PTPRD: variants seen among roughly 807,000 people sequenced by gnomAD.
PTPRD encodes the protein receptor-type tyrosine-protein phosphatase delta.
PTPRD carries 34 observed loss-of-function variants against 214.5 expected under a neutral mutation model. The ratio of observed to expected loss-of-function variants is 0.16; its 90% CI spans 0.12 to 0.21. The LOEUF (loss-of-function observed/expected upper bound fraction) is 0.21, where lower values mean the gene tolerates loss of function less well. PTPRD is among the 10% of genes least tolerant of loss of function. The pLI, the probability that PTPRD is intolerant of heterozygous loss-of-function variation, is 1.00. For missense variants in PTPRD, 2,545 were observed against 2,398.7 expected (o/e 1.06, Z -1.27); for synonymous variants, 1,128 against 845.7 (o/e 1.33, Z -5.79).
intron 8 of PTPRD, among the ~76,000 whole-genome samples, chr9:9,482,948 T>C (rs535082616): frequency 1.1e-4 from 16 of 152,308 alleles, no homozygotes; most frequent in Non-Finnish European, 1.9e-4. Context: ...GTTTCTTAAG[T>C]AAAGCCAGTA....
intron 21 of PTPRD, among the ~76,000 whole-genome samples, chr9:8,511,249 T>C (rs2137847132): frequency 1.3e-5 from 2 of 152,130 alleles, no homozygotes; most frequent in East Asian, 3.9e-4. Context: ...TTTAATGTTT[T>C]TTGTACAGAC....
intron 3 of PTPRD, among the ~76,000 whole-genome samples, chr9:10,155,477 A>T (rs2099087190): frequency 6.6e-6 from 1 of 152,102 alleles, no homozygotes; most frequent in African/African-American, 2.4e-5. Flanking sequence ...AGGACTTCCA[A>T]TAACATGTTG....
At chr9:8,900,298 AT>A (rs1345421877) in intron 11 of PTPRD, among the ~76,000 whole-genome samples, 1 of 152,232 alleles carries the variant, frequency 6.6e-6, no homozygotes, top group Non-Finnish European at 1.5e-5. Context: ...TACCATTAAA[AT>A]ATTTGTGCAC....
intron 7 of PTPRD, among the ~76,000 whole-genome samples, chr9:9,693,191 T>C (rs965351305): frequency 2.0e-5 from 3 of 152,092 alleles, no homozygotes; most frequent in African/African-American, 7.2e-5. Flanking sequence ...ATCCTTGTCT[T>C]GTTCCAGATC....
At chr9:9,643,057 A>G (rs908381515) in intron 7 of PTPRD, among the ~76,000 whole-genome samples, 1 of 152,232 alleles carries the variant, frequency 6.6e-6, no homozygotes, top group African/African-American at 2.4e-5. Flanking sequence ...CCATGAGCAC[A>G]TACATGTGTA....
chr9:10,567,606 T>C lies in PTPRD; in HGVS notation c.-600+44792A>G, dbSNP rs889628411. 1.1e-4 allele frequency among the ~76,000 whole-genome samples: 16 copies of C among 152,196 alleles called. No homozygotes were observed. In the East Asian group the frequency reaches 2.5e-3, roughly 24 times the overall value. Reference sequence around the variant, plus strand: ...CATGAGTTGGTCTCTAAAGTTATTTTAGAATCTGATAGTCAAATGGAATAA... The same window carrying C: ...CATGAGTTGGTCTCTAAAGTTATTTCAGAATCTGATAGTCAAATGGAATAA... On this transcript the variant is annotated intron_variant, in intron 2 of 45. Coordinates refer to ENST00000381196, the MANE Select transcript of PTPRD (RefSeq NM_002839.4).
intron 7 of PTPRD, among the ~76,000 whole-genome samples, chr9:9,649,264 G>T (rs1309284262): frequency 6.6e-6 from 1 of 152,070 alleles, no homozygotes; most frequent in African/African-American, 2.4e-5. Context: ...CCACTGTATT[G>T]CCAAAACTGC....
chr9:9,431,778 T>C (rs1258831927), intron 8 of PTPRD, among the ~76,000 whole-genome samples: 2 of 151,454 alleles, frequency 1.3e-5, no homozygotes, highest in South Asian at 4.2e-4. Flanking sequence ...CTGGAAACCA[T>C]CATTCTGAGC....
intron 2 of PTPRD, among the ~76,000 whole-genome samples, chr9:10,572,827 T>G (rs919803695): frequency 6.6e-6 from 1 of 152,172 alleles, no homozygotes; most frequent in African/African-American, 2.4e-5. Context: ...AGAACCAGAA[T>G]GAAACAGTGT....
At chr9:10,035,546 C>A (rs1336707266) in intron 3 of PTPRD, among the ~76,000 whole-genome samples, 2 of 151,972 alleles carry the variant, frequency 1.3e-5, no homozygotes, top group African/African-American at 2.4e-5. Flanking sequence ...GGTTATCTTC[C>A]AGGGTTTTTT....
At chr9:9,628,988 A>T (rs2095505326) in intron 7 of PTPRD, among the ~76,000 whole-genome samples, 1 of 151,812 alleles carries the variant, frequency 6.6e-6, no homozygotes. Context: ...CCTGACCAAC[A>T]TGGTGAAACC....
intron 11 of PTPRD, among the ~76,000 whole-genome samples, chr9:8,908,460 A>G (rs1037037918): frequency 6.6e-6 from 1 of 152,202 alleles, no homozygotes; most frequent in African/African-American, 2.4e-5. Flanking sequence ...ATACCCAAAT[A>G]TACAGAAATT....
intron 7 of PTPRD, among the ~76,000 whole-genome samples, chr9:9,728,536 G>A (rs1426301144): frequency 1.3e-5 from 2 of 152,064 alleles, no homozygotes; most frequent in Non-Finnish European, 2.9e-5. Flanking sequence ...AATAGCAGAG[G>A]GAGACTTCCA....
rs1213715440 is a variant in PTPRD, at chr9:8,930,108, AC to A, written c.-104+88588del. Among the ~76,000 whole-genome samples the A allele has an allele frequency of 5.7e-3, 674 of 117,464 alleles. 5 individuals carry two copies. The highest frequency in any genetic ancestry group is 0.021 in the African/African-American group (637 of 30,042). The allele number at this position is 117,464 out of a possible 152,430, so 77.1% of individuals were successfully genotyped here. Reference sequence around the variant, plus strand: ...TATATCTCCTAATGCTATCCCTCCCACCCCCCCCCACACCACAACAGGCCCC... The same window carrying A: ...TATATCTCCTAATGCTATCCCTCCCACCCCCCCCACACCACAACAGGCCCC... On this transcript the variant is annotated intron_variant, in intron 11 of 45. Transcript: ENST00000381196.
chr9:8,627,713 C>T (rs1048825274), intron 14 of PTPRD, among the ~76,000 whole-genome samples: 1 of 151,776 alleles, frequency 6.6e-6, no homozygotes, highest in African/African-American at 2.4e-5. Flanking sequence ...AATAGCGTCT[C>T]CTCACAGGTA....
intron 3 of PTPRD, among the ~76,000 whole-genome samples, chr9:10,198,137 T>C (rs1320163768): frequency 1.3e-5 from 2 of 152,158 alleles, no homozygotes; most frequent in Non-Finnish European, 2.9e-5. Context: ...TCATATTGTA[T>C]ATATAATGAT....
At chr9:9,252,394 T>C (rs2099975855) in intron 9 of PTPRD, among the ~76,000 whole-genome samples, 1 of 152,098 alleles carries the variant, frequency 6.6e-6, no homozygotes, top group Non-Finnish European at 1.5e-5. Context: ...TCGTTTATTG[T>C]ACTTTTCCTG....
intron 8 of PTPRD, among the ~76,000 whole-genome samples, chr9:9,503,513 T>C (rs1185496974): frequency 2.0e-5 from 3 of 151,806 alleles, no homozygotes; most frequent in Middle Eastern, 6.8e-3. Flanking sequence ...TGAAAAAATG[T>C]AGAGGAGGCC....
chr9:10,290,359 G>C (rs764366715), intron 3 of PTPRD, among the ~76,000 whole-genome samples: 1 of 152,012 alleles, frequency 6.6e-6, no homozygotes, highest in East Asian at 1.9e-4. Flanking sequence ...ATACTGCAAC[G>C]ATCTAAAGGA....
Sources: gnomAD v4.1 joint callset for allele counts (sites outside exome capture counted in the v4.1 genomes callset) on GRCh38, gnomAD v4.1.1 for gene constraint, MANE v1.5 for transcripts, NCBI Gene and HGNC (gene_info 2026-07-23, HGNC 2026-07-21) for gene names.